The following LTBP1 variants were observed in gnomAD, a reference collection of about 807,000 sequenced individuals.
The protein encoded by LTBP1 is latent-transforming growth factor beta-binding protein 1.
A neutral mutation model predicts 207.6 loss-of-function variants in LTBP1; 129 were observed. The observed-to-expected ratio is 0.62, with a 90% CI of 0.54 to 0.72. The LOEUF (loss-of-function observed/expected upper bound fraction) is 0.72, where lower values mean the gene tolerates loss of function less well. Among genes scored for constraint, LTBP1 ranks in the 30% least tolerant of loss-of-function variants. LTBP1 has a pLI of 0.00. For missense variants in LTBP1, 2,281 were observed against 2,217.2 expected (o/e 1.03, Z -0.58); for synonymous variants, 963 against 833.7 (o/e 1.16, Z -2.67).
chr2:33,161,882 A>C (rs1179960632), intron 5 of LTBP1, among the ~76,000 whole-genome samples: 1 of 152,216 alleles, frequency 6.6e-6, no homozygotes, highest in Non-Finnish European at 1.5e-5. Context: ...TGAGAAATAC[A>C]GTTCTCATTT....
intron 5 of LTBP1, among the ~76,000 whole-genome samples, chr2:33,147,665 G>A (rs1158233714): frequency 6.6e-6 from 1 of 152,182 alleles, no homozygotes; most frequent in Non-Finnish European, 1.5e-5. Context: ...TCCTCATTCT[G>A]CGAGGCAGCG....
At chr2:33,371,941 A>T (rs2095073009) in intron 31 of LTBP1, among the ~76,000 whole-genome samples, 1 of 152,370 alleles carries the variant, frequency 6.6e-6, no homozygotes, top group Non-Finnish European at 1.5e-5. Flanking sequence ...CCCTTTGTCC[A>T]TGGTGTCCAT....
chr2:33,126,579 G>GAAA (rs1231476965), intron 4 of LTBP1, among the ~76,000 whole-genome samples: 1 of 152,210 alleles, frequency 6.6e-6, no homozygotes, highest in Non-Finnish European at 1.5e-5. Context: ...CTGACAGCTG[G>GAAA]AAAACTTAGA....
chr2:33,040,237 A>G (rs1430210597), intron 3 of LTBP1, among the ~76,000 whole-genome samples: 1 of 152,204 alleles, frequency 6.6e-6, no homozygotes, highest in Non-Finnish European at 1.5e-5. Context: ...GAGAATTCAC[A>G]GGGCATCCAA....
In LTBP1 at chr2:32,962,638, T is replaced by C. The variant is rs538968740; in HGVS notation, c.565+13693T>C. 5.3e-5 allele frequency among the ~76,000 whole-genome samples: 8 copies of C among 152,358 alleles called. No individual in the cohort carries two copies. The South Asian group carries it at 1.7e-3, about 32-fold the overall frequency. ...CTTTTTGTTTTACGAGAATGTATAT[T>C]ACAACAAATGTCCCTGTGTAAGTTT... On this transcript the variant is annotated intron_variant, in intron 2 of 33. Coordinates refer to ENST00000404816, the MANE Select transcript of LTBP1 (RefSeq NM_206943.4).
rs201936680 is a variant in LTBP1 at position 33,215,711 on chromosome 2, C to CTTT, written c.1702-1839_1702-1837dup. On this transcript the variant is annotated intron_variant, in intron 7 of 33. Coordinates refer to ENST00000404816, the MANE Select transcript of LTBP1 (RefSeq NM_206943.4). ...TGGATGCTAAACTTCCATTGGTTTT[C>CTTT]TTTTGTTTTTTGTTTTTTTTTTTTG... 1.9e-3 allele frequency among the ~76,000 whole-genome samples: 237 copies of CTTT among 125,942 alleles called. 7 individuals are homozygous for CTTT. Among genetic ancestry groups the CTTT allele is most frequent in the Non-Finnish European group, 2.2e-3 (128 of 59,516 alleles). 82.6% of individuals were successfully genotyped at this position (125,942 alleles called of 152,430 possible). A position where few individuals can be genotyped will look rare whatever the true frequency, so the allele number is the denominator to read the frequency against.
At chr2:33,059,089 T>G (rs1398973440) in intron 3 of LTBP1, among the ~76,000 whole-genome samples, 2 of 152,226 alleles carry the variant, frequency 1.3e-5, no homozygotes, top group Non-Finnish European at 2.9e-5. Flanking sequence ...TGATGTGAAT[T>G]TCACCTTTAA....
At chr2:33,282,459 T>C (rs2093579020) in intron 19 of LTBP1, among the ~76,000 whole-genome samples, 2 of 152,162 alleles carry the variant, frequency 1.3e-5, no homozygotes, top group African/African-American at 4.8e-5. Flanking sequence ...TAATTTTTTA[T>C]AGTAGTAGAG....
At chr2:33,161,412 G>T (rs796376135) in intron 5 of LTBP1, among the ~76,000 whole-genome samples, 3 of 152,028 alleles carry the variant, frequency 2.0e-5, no homozygotes, top group South Asian at 4.2e-4. Context: ...GATTACAGGT[G>T]CCCGCCACCA....
At chr2:33,197,586 T>A (rs2088702744) in intron 7 of LTBP1, among the ~76,000 whole-genome samples, 1 of 152,202 alleles carries the variant, frequency 6.6e-6, no homozygotes, top group Non-Finnish European at 1.5e-5. Context: ...TGTCCTTTGT[T>A]TTTAAATTGG....
intron 10 of LTBP1, among the ~76,000 whole-genome samples, chr2:33,249,222 C>G (rs1168345647): frequency 6.6e-6 from 1 of 151,966 alleles, no homozygotes; most frequent in Non-Finnish European, 1.5e-5. Flanking sequence ...ATTTGTCATT[C>G]ACATTTTAAC....
intron 31 of LTBP1, among the ~76,000 whole-genome samples, chr2:33,372,870 G>C (rs758728380): frequency 1.3e-5 from 2 of 152,094 alleles, no homozygotes; most frequent in African/African-American, 2.4e-5. Flanking sequence ...TCTGAAAAAA[G>C]ATAACATAAG....
chr2:33,216,931 G>T (rs913795082), intron 7 of LTBP1, among the ~76,000 whole-genome samples: 13 of 152,162 alleles, frequency 8.5e-5, no homozygotes, highest in African/African-American at 3.1e-4. Context: ...GCTCAAGCTG[G>T]TCTCGCTTAA....
At chr2:33,000,323 G>T (rs1347997848) in intron 2 of LTBP1, among the ~76,000 whole-genome samples, 3 of 134,772 alleles carry the variant, frequency 2.2e-5, no homozygotes, top group African/African-American at 7.8e-5. Context: ...AGATGCACCT[G>T]AATGTGTATA....
Position 33,294,155 on chromosome 2 carries a change from G to A in LTBP1, c.3235+873G>A, listed in dbSNP as rs530426924. Among the ~76,000 whole-genome samples the A allele has an allele frequency of 3.5e-4, 53 of 150,556 alleles. No homozygotes were observed. The South Asian group carries it at 9.7e-3, about 28-fold the overall frequency. ...CGAGTAGCTGGGATTACAGGCACAC[G>A]CCACCACGCCCGACTAATTTTTGTT... On this transcript the variant is annotated intron_variant, in intron 20 of 33. Coordinates refer to ENST00000404816, the MANE Select transcript of LTBP1 (RefSeq NM_206943.4).
At position 33,110,663 on chromosome 2, in the gene LTBP1, A is replaced by G. The variant is rs1451129738; in HGVS notation, c.945A>G (p.Pro315=). The G allele has an allele frequency of 6.2e-7, 1 of 1,614,226 alleles. No individual in the cohort carries two copies. Residue 315 remains proline, a synonymous_variant, in exon 4 of 34, where the codon CCA becomes CCG. Transcript: ENST00000404816. ...QEYVLKPKYF[P]AQKGISGEQS... is the part of the protein sequence containing the mutation. ...ACGTGCTCAAGCCCAAGTACTTTCC[A>G]GCCCAGAAGGGGATTTCAGGAGAGC...
At chr2:33,309,306 G>C in intron 22 of LTBP1, 128 bp from the exon 23 acceptor site, 1 of 545,460 alleles carries the variant, frequency 1.8e-6, no homozygotes, top group South Asian at 2.7e-5. Flanking sequence ...AAGTTAAAAA[G>C]TTGTCATGTA....
chr2:33,157,980 ACAAAAATTAGC>A (rs1447363344), intron 5 of LTBP1, among the ~76,000 whole-genome samples: 2 of 152,140 alleles, frequency 1.3e-5, no homozygotes, highest in Non-Finnish European at 2.9e-5. Context: ...TACTAAAAAT[ACAAAAATTAGC>A]CAGCCGTGGT....
intron 3 of LTBP1, among the ~76,000 whole-genome samples, chr2:33,071,310 T>A (rs2077774957): frequency 6.6e-6 from 1 of 152,232 alleles, no homozygotes; most frequent in Non-Finnish European, 1.5e-5. Flanking sequence ...TCACAGTGAA[T>A]GAGAATGTGG....
Sources: allele counts gnomAD v4.1 joint callset (sites outside exome capture counted in the v4.1 genomes callset), GRCh38; gene constraint gnomAD v4.1.1; transcripts MANE v1.5; gene names NCBI Gene and HGNC (gene_info 2026-07-23, HGNC 2026-07-21).